The following CAST variants were observed in gnomAD, a reference collection of about 807,000 sequenced individuals.
The protein encoded by CAST is MIR583 host.
In CAST, 76 loss-of-function variants were observed where a neutral mutation model predicts 119.6. That is an observed-to-expected ratio of 0.64 (90% confidence interval 0.53 to 0.77). CAST has a LOEUF of 0.77. Ranked by LOEUF, CAST falls within the 30% of genes least tolerant of loss-of-function variation. The pLI, the probability that CAST is intolerant of heterozygous loss-of-function variation, is 0.00. For synonymous variants in CAST, 319 were observed against 331.6 expected (o/e 0.96, Z 0.41); for missense variants, 953 against 946.5 (o/e 1.01, Z -0.09).
the CAST span, among the ~76,000 whole-genome samples, chr5:96,500,691 T>C: frequency 6.6e-5 from 10 of 152,200 alleles, no homozygotes; most frequent in African/African-American, 2.4e-4. Context: ...AAAACTTTTC[T>C]AAGAATCTCC....
the CAST span, among the ~76,000 whole-genome samples, chr5:96,084,762 A>C: frequency 6.6e-6 from 1 of 152,168 alleles, no homozygotes; most frequent in Non-Finnish European, 1.5e-5. Context: ...AGGGAGAGGA[A>C]TCTGAATGAC....
At chr5:96,568,952 T>C (rs1023515284) in intron 1 of CAST, among the ~76,000 whole-genome samples, 5 of 152,036 alleles carry the variant, frequency 3.3e-5, no homozygotes, top group Admixed American at 2.0e-4. Context: ...GAGCAGAAAA[T>C]AGAAGAGTGG....
upstream of CAST, among the ~76,000 whole-genome samples, chr5:96,660,566 C>T (rs1010758676): frequency 3.3e-5 from 5 of 152,212 alleles, no homozygotes; most frequent in African/African-American, 9.7e-5. Flanking sequence ...CACCAAGTCA[C>T]TGGAAACCAT....
At chr5:96,756,459 AC>A (rs1334510339) in intron 22 of CAST, among the ~76,000 whole-genome samples, 3 of 152,234 alleles carry the variant, frequency 2.0e-5, no homozygotes. Context: ...GGGGACCAGA[AC>A]TGTTTCAGAT....
the CAST span, among the ~76,000 whole-genome samples, chr5:96,341,064 A>G: frequency 6.6e-6 from 1 of 152,214 alleles, no homozygotes; most frequent in African/African-American, 2.4e-5. Flanking sequence ...TAGGACTAAT[A>G]AAACTAGATT....
chr5:96,395,478 T>C, the CAST span, among the ~76,000 whole-genome samples: 7 of 152,210 alleles, frequency 4.6e-5, no homozygotes, highest in Non-Finnish European at 1.0e-4. Context: ...AAGAGTGAGT[T>C]CATGTCCTCT....
chr5:96,658,664 T>G (rs546559781), upstream of CAST, among the ~76,000 whole-genome samples: 28 of 152,248 alleles, frequency 1.8e-4, no homozygotes, highest in Non-Finnish European at 3.5e-4. Context: ...AACCAGCATT[T>G]ATTTGCACAA....
chr5:96,342,350 G>A, the CAST span, among the ~76,000 whole-genome samples: 3 of 152,190 alleles, frequency 2.0e-5, no homozygotes, highest in Non-Finnish European at 2.9e-5. Flanking sequence ...TAGCACATAT[G>A]GAAACCAGCT....
At chr5:96,563,942 C>T (rs1746427508) in intron 1 of CAST, among the ~76,000 whole-genome samples, 3 of 152,160 alleles carry the variant, frequency 2.0e-5, no homozygotes, top group Admixed American at 2.0e-4. Flanking sequence ...GGCTATGAAA[C>T]GTATTCATCT....
chr5:96,626,419 C>T lies in CAST; in HGVS notation c.61-49120C>T, dbSNP rs1747724692. 2.0e-5 allele frequency among the ~76,000 whole-genome samples: 3 copies of T among 152,298 alleles called. No homozygotes were observed. The South Asian group carries it at 6.2e-4, about 32-fold the overall frequency. On this transcript the variant is annotated intron_variant, in intron 1 of 11. Coordinates refer to the CAST transcript ENST00000505143. Reference sequence around the variant, plus strand: ...ATGAATGCACCATAACTGACACAGGCCTCTTGGTCTGGATGCTGCTCCACC... The same window carrying T: ...ATGAATGCACCATAACTGACACAGGTCTCTTGGTCTGGATGCTGCTCCACC...
chr5:96,752,800 A>G (rs1765406681), intron 20 of CAST, among the ~76,000 whole-genome samples: 1 of 151,998 alleles, frequency 6.6e-6, no homozygotes, highest in South Asian at 2.1e-4. Context: ...GATTTTAATA[A>G]TAAGATTAAA....
At chr5:95,997,756 C>A in the CAST span, among the ~76,000 whole-genome samples, 6 of 152,068 alleles carry the variant, frequency 3.9e-5, no homozygotes, top group Non-Finnish European at 8.8e-5. Context: ...CCAGTAGGAT[C>A]TTGCCATCCT....
chr5:96,479,257 C>T, the CAST span, among the ~76,000 whole-genome samples: 3 of 152,180 alleles, frequency 2.0e-5, no homozygotes, highest in African/African-American at 7.2e-5. Context: ...TCACTGGTAG[C>T]TGCTTCTGGA....
chr5:96,276,875 AT>A, the CAST span, among the ~76,000 whole-genome samples: 1 of 152,060 alleles, frequency 6.6e-6, no homozygotes, highest in Non-Finnish European at 1.5e-5. Context: ...CTTTTGTTCT[AT>A]GTATGTATGT....
chr5:96,152,787 T>C, the CAST span, among the ~76,000 whole-genome samples: 1 of 147,816 alleles, frequency 6.8e-6, no homozygotes, highest in Admixed American at 6.7e-5. Context: ...ATAATGTAAA[T>C]AGAGAAGGAA....
At chr5:96,624,235 G>A (rs902162408) in intron 1 of CAST, among the ~76,000 whole-genome samples, 1 of 152,192 alleles carries the variant, frequency 6.6e-6, no homozygotes, top group Admixed American at 6.5e-5. Flanking sequence ...TTTGCTTTTG[G>A]TTTTGTCTAC....
At chr5:96,080,452 GGC>G in the CAST span, among the ~76,000 whole-genome samples, 2 of 152,236 alleles carry the variant, frequency 1.3e-5, no homozygotes, top group Non-Finnish European at 2.9e-5. Context: ...AGTTTGGCAG[GGC>G]AAATTGAGAG....
upstream of CAST, among the ~76,000 whole-genome samples, chr5:96,523,275 C>A (rs139378994): frequency 1.1e-3 from 163 of 152,364 alleles, no homozygotes; most frequent in African/African-American, 3.8e-3. Context: ...ACACTCTCTC[C>A]TCTTGCTCCC....
At chr5:96,584,997 AAACGTGG>A (rs1444060125) in intron 1 of CAST, 2 of 152,300 alleles carry the variant, frequency 1.3e-5, no homozygotes, top group Non-Finnish European at 2.9e-5. Flanking sequence ...GGCCAAGCTG[AAACGTGG>A]TTTGCAGAGA....
Sources: allele counts gnomAD v4.1 joint callset (sites outside exome capture counted in the v4.1 genomes callset), GRCh38; gene constraint gnomAD v4.1.1; transcripts MANE v1.5; gene names NCBI Gene and HGNC (gene_info 2026-07-23, HGNC 2026-07-21).